ABAT: variants seen among roughly 807,000 people sequenced by gnomAD.
ABAT encodes the protein 4-aminobutyrate aminotransferase, mitochondrial.
Under a neutral mutation model 64.6 loss-of-function variants are expected in ABAT, and 45 were observed. The observed-to-expected ratio is 0.70, with a 90% CI of 0.55 to 0.89. The LOEUF (loss-of-function observed/expected upper bound fraction) is 0.89, where lower values mean the gene tolerates loss of function less well. Among genes scored for constraint, ABAT ranks in the 40% least tolerant of loss-of-function variants. The probability of loss-of-function intolerance (pLI) is 0.00; values close to 1 mark genes in which losing one functional copy is unlikely to be tolerated. For synonymous variants in ABAT, 297 were observed against 250.5 expected (o/e 1.19, Z -1.75); for missense variants, 633 against 658.4 (o/e 0.96, Z 0.42).
chr16:8,725,633 G>A (rs1353996953), intron 1 of ABAT, among the ~76,000 whole-genome samples: 1 of 152,134 alleles, frequency 6.6e-6, no homozygotes, highest in African/African-American at 2.4e-5. Flanking sequence ...ATCGACATCT[G>A]GGCTTTTTCT....
At chr16:8,720,345 G>C (rs1170890969) in intron 1 of ABAT, among the ~76,000 whole-genome samples, 1 of 152,194 alleles carries the variant, frequency 6.6e-6, no homozygotes, top group Non-Finnish European at 1.5e-5. Context: ...CCCAATTTCT[G>C]GCTCTTGTTA....
chr16:8,722,694 A>G, intron 1 of ABAT: 1 of 670,518 alleles, frequency 1.5e-6, no homozygotes, highest in Non-Finnish European at 2.2e-6. Context: ...CTTGGTCACA[A>G]TTTCATGGCG....
At position 8,764,025 on chromosome 16, in the gene ABAT, G is replaced by T; in HGVS notation, c.367-44G>T. The stretch of plus-strand genomic sequence containing the variant: ...GCACCATTTGTGGGCAGGGAGCTGG[G>T]TCAGGCCCCCAGAAGTCACCATTTG... On this transcript the variant is annotated intron_variant, in intron 6 of 15. Coordinates refer to ENST00000268251, the MANE Select transcript of ABAT (RefSeq NM_020686.6). This position sits in a 1 kb window ranked among gnomAD's most constrained non-coding sequence, Gnocchi z 4.2. 6.4e-7 allele frequency: 1 copy of T among 1,556,972 alleles called. No individual in the cohort carries two copies. The highest frequency in any genetic ancestry group is 8.9e-7 in the Non-Finnish European group (1 of 1,128,096).
chr16:8,682,031 T>C (rs900253649), intron 1 of ABAT, among the ~76,000 whole-genome samples: 2 of 152,132 alleles, frequency 1.3e-5, no homozygotes, highest in Non-Finnish European at 2.9e-5. Context: ...GCTGGCAACA[T>C]ACCTTCCTCC....
chr16:8,726,142 A>G lies in ABAT; in HGVS notation c.-41-9557A>G, dbSNP rs111509639. 1.0e-3 allele frequency among the ~76,000 whole-genome samples: 152 copies of G among 151,516 alleles called. 3 individuals carry two copies. Among genetic ancestry groups the G allele is most frequent in the Non-Finnish European group, 3.4e-4 (23 of 67,934 alleles). ...CTCTCTATGCCCGTGACTTCAATTG[A>G]TTTGATTTTTAGATCCCACAAATAA... On this transcript the variant is annotated intron_variant, in intron 1 of 15. Transcript: ENST00000268251.
intron 1 of ABAT, among the ~76,000 whole-genome samples, chr16:8,721,582 A>G (rs1022604299): frequency 4.6e-5 from 7 of 152,228 alleles, no homozygotes; most frequent in Non-Finnish European, 1.0e-4. Flanking sequence ...AACCGGTTTT[A>G]TAACGCCAGC....
At chr16:8,771,952 C>T (rs935101599) in intron 11 of ABAT, among the ~76,000 whole-genome samples, 2 of 151,978 alleles carry the variant, frequency 1.3e-5, no homozygotes, top group Admixed American at 1.3e-4. Flanking sequence ...GTTTTGCAGA[C>T]ATGAACCGCG....
chr16:8,686,196 G>A (rs1001448408), intron 1 of ABAT, among the ~76,000 whole-genome samples: 2 of 152,216 alleles, frequency 1.3e-5, no homozygotes, highest in Admixed American at 6.5e-5. Flanking sequence ...GGCTTCGCAG[G>A]CTGAGCGCCG....
rs2059872727 is a variant in ABAT, at chr16:8,764,076, T to G, written c.374T>G (p.Phe125Cys). Residue 125 changes from phenylalanine (F) to cysteine (C), a missense_variant, in exon 7 of 16, where the codon TTT (phenylalanine) becomes TGT (cysteine). Phe to Cys is a radical substitution (Grantham distance 205). Transcript: ENST00000268251. The surrounding 1 kb of genome is among the most constrained non-coding windows in gnomAD (Gnocchi z 4.2). ...LIQQPQNASM[F>C]VNRPALGILP... ...TCTCTTGCCCTTTTGCAGAGCATGTTTGTCAACAGACCCGCCCTCGGAATC... is the reference window on the plus strand; with the variant it reads ...TCTCTTGCCCTTTTGCAGAGCATGTGTGTCAACAGACCCGCCCTCGGAATC... The G allele has an allele frequency of 6.2e-7, 1 of 1,613,800 alleles. No individual in the cohort carries two copies. Among genetic ancestry groups the G allele is most frequent in the Non-Finnish European group, 8.5e-7 (1 of 1,179,996 alleles).
At chr16:8,745,142 C>G (rs979982506) in intron 2 of ABAT, among the ~76,000 whole-genome samples, 4 of 152,030 alleles carry the variant, frequency 2.6e-5, no homozygotes, top group African/African-American at 9.7e-5. Context: ...ACCACCACGC[C>G]CAGCTAATTT....
At chr16:8,747,681 G>A (rs1249235685) in intron 3 of ABAT, among the ~76,000 whole-genome samples, 1 of 152,074 alleles carries the variant, frequency 6.6e-6, no homozygotes, top group Non-Finnish European at 1.5e-5. Flanking sequence ...AGTACAAGTG[G>A]TTTATGGAGT....
At chr16:8,702,853 G>C (rs1040651703) in intron 1 of ABAT, among the ~76,000 whole-genome samples, 1 of 152,150 alleles carries the variant, frequency 6.6e-6, no homozygotes, top group Non-Finnish European at 1.5e-5. Context: ...GCCCATGAGA[G>C]GAGAAGGTTG....
At position 8,783,030 on chromosome 16, in the gene ABAT, T is replaced by C. The variant is rs1031920992; in HGVS notation, c.*1600T>C. 1.3e-5 allele frequency: 2 copies of C among 152,126 alleles called. No individual in the cohort carries two copies. Among genetic ancestry groups the C allele is most frequent in the African/African-American group, 2.4e-5 (1 of 41,424 alleles). The allele number at this position is 152,126 out of a possible 1,614,324, so 9.4% of individuals were successfully genotyped here. A position where few individuals can be genotyped will look rare whatever the true frequency, so the allele number is the denominator to read the frequency against. ...AATGACAAGTTTAACATATACAAAT[T>C]CGTGAATTCTTGTTCATTTTGCATT... On this transcript the variant is annotated 3_prime_UTR_variant, in exon 16 of 16. Coordinates refer to ENST00000268251, the MANE Select transcript of ABAT (RefSeq NM_020686.6).
At chr16:8,735,428 T>G (rs1233916297) in intron 1 of ABAT, among the ~76,000 whole-genome samples, 2 of 151,990 alleles carry the variant, frequency 1.3e-5, no homozygotes, top group Admixed American at 6.6e-5. Context: ...ATTTTTAAAG[T>G]CTTTGTGAAG....
rs2060504290 is a variant in ABAT at position 8,784,534 on chromosome 16, G to A, written c.*3104G>A. 6.6e-6 allele frequency: 1 copy of A among 152,044 alleles called. No homozygotes were observed. The highest frequency in any genetic ancestry group is 1.5e-5 in the Non-Finnish European group (1 of 68,034). The allele number at this position is 152,044 out of a possible 1,614,324, so 9.4% of individuals were successfully genotyped here. On this transcript the variant is annotated 3_prime_UTR_variant, in exon 16 of 16. Coordinates refer to ENST00000268251, the MANE Select transcript of ABAT (RefSeq NM_020686.6). ...TCCATGAATTAAATCTGTTTCCTGT[G>A]TTAGTCAGTATTCTTAAATAAAATT...
At position 8,727,383 on chromosome 16, in the gene ABAT, G is replaced by A. The variant is rs142746957; in HGVS notation, c.-41-8316G>A. Among the ~76,000 whole-genome samples, 298 of 152,192 alleles carry A rather than the reference G, an allele frequency of 2.0e-3. 6 individuals are homozygous for A. The East Asian group carries it at 0.029, about 15-fold the overall frequency. Reference sequence around the variant, plus strand: ...GTGCACCAGGATCCTTAGCTACTCCGTGTCATCATACACCTCCGAGCACTT... The same window carrying A: ...GTGCACCAGGATCCTTAGCTACTCCATGTCATCATACACCTCCGAGCACTT... On this transcript the variant is annotated intron_variant, in intron 1 of 15. Coordinates refer to ENST00000268251, the MANE Select transcript of ABAT (RefSeq NM_020686.6).
At chr16:8,710,906 G>A (rs577926394) in intron 1 of ABAT, among the ~76,000 whole-genome samples, 6 of 152,266 alleles carry the variant, frequency 3.9e-5, no homozygotes, top group African/African-American at 1.2e-4. Context: ...AGAGAAGACC[G>A]ACATTTATTA....
intron 1 of ABAT, among the ~76,000 whole-genome samples, chr16:8,709,354 A>T (rs923001454): frequency 4.1e-4 from 5 of 12,254 alleles, no homozygotes; most frequent in East Asian, 0.019. Context: ...TCACATTTTT[A>T]TTTATTTATT....
intron 1 of ABAT, among the ~76,000 whole-genome samples, chr16:8,692,747 G>T (rs1262211328): frequency 6.6e-6 from 1 of 152,192 alleles, no homozygotes; most frequent in Non-Finnish European, 1.5e-5. Flanking sequence ...CAAATCTCTT[G>T]CCTTGCCCTT....
Sources: gnomAD v4.1 joint callset for allele counts (sites outside exome capture counted in the v4.1 genomes callset) on GRCh38, gnomAD v4.1.1 for gene constraint, Gnocchi (gnomAD v3.1) non-coding constraint, MANE v1.5 for transcripts, NCBI Gene and HGNC (gene_info 2026-07-23, HGNC 2026-07-21) for gene names.